The following RNF130 variants were observed in gnomAD, a reference collection of about 807,000 sequenced individuals.
RNF130 encodes ring finger protein 130.
In RNF130, 21 loss-of-function variants were observed where a neutral mutation model predicts 44.6. The observed-to-expected ratio is 0.47, with a 90% CI of 0.33 to 0.68. The LOEUF is 0.68. RNF130 is among the 30% of genes least tolerant of loss of function. RNF130 has a pLI of 0.02. For synonymous variants in RNF130, 214 were observed against 210.4 expected (o/e 1.02, Z -0.15); for missense variants, 479 against 560.6 (o/e 0.85, Z 1.47).
chr5:180,043,800 T>G (rs1056913902), intron 1 of RNF130, among the ~76,000 whole-genome samples: 1 of 152,130 alleles, frequency 6.6e-6, no homozygotes. Flanking sequence ...AAAATTCATC[T>G]AATCATCATC....
chr5:179,973,754 G>A (rs1005528884), intron 5 of RNF130, among the ~76,000 whole-genome samples: 2 of 152,134 alleles, frequency 1.3e-5, no homozygotes, highest in African/African-American at 2.4e-5. Context: ...CCCCACTCAC[G>A]TGATAAAAAC....
At chr5:179,993,316 T>G (rs998920099) in intron 3 of RNF130, among the ~76,000 whole-genome samples, 2 of 152,232 alleles carry the variant, frequency 1.3e-5, no homozygotes, top group Non-Finnish European at 2.9e-5. Flanking sequence ...TCCACAATGG[T>G]TGAACTAGTT....
chr5:179,931,020 A>G (rs1761799753), intron 7 of RNF130, among the ~76,000 whole-genome samples: 1 of 143,216 alleles, frequency 7.0e-6, no homozygotes, highest in African/African-American at 2.6e-5. Context: ...GCTGCAGACC[A>G]AACCTCTGTC....
At chr5:180,043,698 C>T (rs1431205738) in intron 1 of RNF130, among the ~76,000 whole-genome samples, 1 of 151,996 alleles carries the variant, frequency 6.6e-6, no homozygotes, top group Non-Finnish European at 1.5e-5. Flanking sequence ...CTAAAGGAAT[C>T]CCGCCCACTG....
intron 3 of RNF130, among the ~76,000 whole-genome samples, chr5:179,987,909 C>A (rs1762991703): frequency 6.6e-6 from 1 of 152,202 alleles, no homozygotes; most frequent in African/African-American, 2.4e-5. Flanking sequence ...TGTTCAAGGA[C>A]ATTGGCCTGC....
intron 7 of RNF130, among the ~76,000 whole-genome samples, chr5:179,931,268 T>C (rs1191876401): frequency 1.3e-5 from 2 of 152,094 alleles, no homozygotes; most frequent in African/African-American, 4.8e-5. Flanking sequence ...TCAAAATGAA[T>C]CACACAAAGT....
chr5:180,070,247 G>A (rs879611326), intron 1 of RNF130, among the ~76,000 whole-genome samples: 2 of 152,178 alleles, frequency 1.3e-5, no homozygotes, highest in Admixed American at 1.3e-4. Flanking sequence ...TGTTTCTACG[G>A]CCAAGCTGGG....
At chr5:179,945,734 T>C (rs1762027480) in intron 7 of RNF130, among the ~76,000 whole-genome samples, 1 of 152,088 alleles carries the variant, frequency 6.6e-6, no homozygotes, top group Non-Finnish European at 1.5e-5. Context: ...TGCCCTAAGC[T>C]TATGAGCGGT....
chr5:179,941,314 G>GTGAC (rs1267626547), intron 7 of RNF130, among the ~76,000 whole-genome samples: 1 of 152,228 alleles, frequency 6.6e-6, no homozygotes, highest in African/African-American at 2.4e-5. Flanking sequence ...GCCTCTGGAA[G>GTGAC]TGACGTATCA....
intron 1 of RNF130, among the ~76,000 whole-genome samples, chr5:180,067,683 T>G (rs1765139245): frequency 6.6e-6 from 1 of 152,242 alleles, no homozygotes; most frequent in Non-Finnish European, 1.5e-5. Flanking sequence ...CTATTTATGT[T>G]AAAATTTGAT....
At chr5:180,040,333 T>C in intron 2 of RNF130, 120 bp downstream of exon 2, 1 of 920,958 alleles carries the variant, frequency 1.1e-6, no homozygotes, top group African/African-American at 1.7e-5. Context: ...AACAAACAAA[T>C]GGCAATACTA....
intron 3 of RNF130, among the ~76,000 whole-genome samples, chr5:179,992,500 T>G (rs1763108304): frequency 6.6e-6 from 1 of 152,250 alleles, no homozygotes; most frequent in South Asian, 2.1e-4. Flanking sequence ...AGTATTTCAT[T>G]TCCAGGAGTT....
At chr5:180,034,985 T>G (rs1161548483) in intron 2 of RNF130, among the ~76,000 whole-genome samples, 1 of 152,270 alleles carries the variant, frequency 6.6e-6, no homozygotes, top group African/African-American at 2.4e-5. Flanking sequence ...TCAATTTTAT[T>G]GATAGTTCCA....
At chr5:180,034,225 C>A (rs1764198977) in intron 2 of RNF130, among the ~76,000 whole-genome samples, 1 of 151,234 alleles carries the variant, frequency 6.6e-6, no homozygotes, top group South Asian at 2.1e-4. Flanking sequence ...CCATATATCC[C>A]ATTCCTGGGG....
In RNF130 at chr5:180,022,072, C is replaced by G. The variant is rs923424039; in HGVS notation, c.443-8761G>C. Among the ~76,000 whole-genome samples the G allele has an allele frequency of 2.0e-5, 3 of 152,214 alleles. No homozygotes were observed. In the East Asian group the frequency reaches 5.8e-4, roughly 29 times the overall value. ...TCAGGTCAGGTGCCGCTGGCAGTAA[C>G]AACACGGAGGTGAGGCTGCGCTCTT... On this transcript the variant is annotated intron_variant, in intron 2 of 8. Transcript: ENST00000521389.
intron 3 of RNF130, among the ~76,000 whole-genome samples, chr5:179,992,437 C>T (rs533780844): frequency 2.6e-5 from 4 of 152,332 alleles, no homozygotes; most frequent in South Asian, 2.1e-4. Context: ...CCACCACGCC[C>T]GGCCCTAAAT....
At chr5:180,071,330 C>T (rs752439559) in intron 1 of RNF130, 126 bp downstream of exon 1, 37 of 968,166 alleles carry the variant, frequency 3.8e-5, no homozygotes, top group Non-Finnish European at 4.7e-5. Flanking sequence ...AAGCCTCGAC[C>T]CTGGCTGGGG....
At chr5:180,038,394 A>T (rs1764300653) in intron 2 of RNF130, among the ~76,000 whole-genome samples, 1 of 136,876 alleles carries the variant, frequency 7.3e-6, no homozygotes, top group Non-Finnish European at 1.6e-5. Context: ...GAGGGGGAAA[A>T]AAAAAAAGCC....
intron 2 of RNF130, among the ~76,000 whole-genome samples, chr5:180,035,402 A>C (rs1311920277): frequency 6.6e-6 from 1 of 152,192 alleles, no homozygotes; most frequent in Admixed American, 6.5e-5. Flanking sequence ...ATATATTCAG[A>C]CTTGATTTAC....
Sources: allele counts gnomAD v4.1 joint callset (sites outside exome capture counted in the v4.1 genomes callset), GRCh38; gene constraint gnomAD v4.1.1; transcripts MANE v1.5; gene names NCBI Gene and HGNC (gene_info 2026-07-23, HGNC 2026-07-21).